Variants in ANKRD11 observed in about 807,000 individuals in gnomAD.
The protein encoded by ANKRD11 is ankyrin repeat domain 11.
Under a neutral mutation model 195.7 loss-of-function variants are expected in ANKRD11, and 17 were observed. The ratio of observed to expected loss-of-function variants is 0.09; its 90% CI spans 0.06 to 0.13. ANKRD11 has a LOEUF of 0.13. ANKRD11 is among the 10% of genes least tolerant of loss of function. The pLI is 1.00. For missense variants in ANKRD11, 3,735 were observed against 3,566.1 expected, an observed-to-expected ratio of 1.05 and a Z score of -1.21; for synonymous variants, 1,953 against 1,528.1, an observed-to-expected ratio of 1.28 and a Z score of -6.49.
chr16:89,387,506 A>C (rs531244116), intron 2 of ANKRD11, among the ~76,000 whole-genome samples: 1 of 151,252 alleles, frequency 6.6e-6, no homozygotes, highest in East Asian at 2.0e-4. Flanking sequence ...CCCCATCTCT[A>C]CTAAAAATAC....
intron 2 of ANKRD11, chr16:89,343,808 C>T (rs942162576): frequency 1.3e-5 from 2 of 152,340 alleles, no homozygotes; most frequent in East Asian, 1.9e-4. Context: ...CAGCGGTCCC[C>T]GCGTCGCCCA....
chr16:89,353,097 A>C (rs973115655), intron 2 of ANKRD11, among the ~76,000 whole-genome samples: 2 of 152,170 alleles, frequency 1.3e-5, no homozygotes, highest in African/African-American at 4.8e-5. Context: ...TAATCCCAGC[A>C]CTTTGGGAGG....
chr16:89,442,885 T>C (rs2043587360), intron 1 of ANKRD11, among the ~76,000 whole-genome samples: 1 of 152,236 alleles, frequency 6.6e-6, no homozygotes, highest in Non-Finnish European at 1.5e-5. Flanking sequence ...GCCCTGACAC[T>C]GTCACTCAAC....
chr16:89,446,803 T>C (rs2043814541), intron 1 of ANKRD11, among the ~76,000 whole-genome samples: 1 of 151,862 alleles, frequency 6.6e-6, no homozygotes, highest in Non-Finnish European at 1.5e-5. Flanking sequence ...AGCCTCCCAC[T>C]CAAACCTCGA....
chr16:89,431,642 T>C (rs1352724626), intron 1 of ANKRD11, among the ~76,000 whole-genome samples: 2 of 152,138 alleles, frequency 1.3e-5, no homozygotes, highest in African/African-American at 4.8e-5. Context: ...ATCTCCTTCC[T>C]CCACCTCCTC....
rs117254779 is a variant in ANKRD11 at position 89,301,835 on chromosome 16, A to G, written c.226+3371T>C. 0.024 allele frequency among the ~76,000 whole-genome samples: 3,676 copies of G among 152,236 alleles called. 273 individuals are homozygous for G. In the East Asian group the frequency reaches 0.26, roughly 11 times the overall value. ...ACCGCAGAGGCCACATCTCCATGGC[A>G]CTGGACCGCGGGCAGGGCCGACTCA... On this transcript the variant is annotated intron_variant, in intron 4 of 12. Coordinates refer to ENST00000301030, the MANE Select transcript of ANKRD11 (RefSeq NM_013275.6).
At chr16:89,288,276 A>G (rs756389985) in intron 7 of ANKRD11, 3 of 659,170 alleles carry the variant, frequency 4.6e-6, no homozygotes, top group Non-Finnish European at 8.2e-6. Flanking sequence ...AACCAGACCT[A>G]CACGGCTAGC....
At chr16:89,398,857 G>C (rs899478547) in intron 2 of ANKRD11, among the ~76,000 whole-genome samples, 1 of 152,150 alleles carries the variant, frequency 6.6e-6, no homozygotes, top group Admixed American at 6.5e-5. Flanking sequence ...TCTGGCCCAG[G>C]AGTACAGATG....
intron 3 of ANKRD11, among the ~76,000 whole-genome samples, chr16:89,316,329 G>A (rs1261190917): frequency 3.3e-5 from 5 of 152,028 alleles, no homozygotes; most frequent in Non-Finnish European, 7.4e-5. Flanking sequence ...AGAACTCGGC[G>A]TCTCCCCTCA....
intron 2 of ANKRD11, among the ~76,000 whole-genome samples, chr16:89,402,056 G>A (rs1484544469): frequency 6.6e-6 from 1 of 151,560 alleles, no homozygotes; most frequent in African/African-American, 2.4e-5. Context: ...GATTTATCAC[G>A]GCAGCCCCGA....
At chr16:89,455,909 T>C (rs1012627418) in intron 1 of ANKRD11, among the ~76,000 whole-genome samples, 1 of 152,160 alleles carries the variant, frequency 6.6e-6, no homozygotes, top group Non-Finnish European at 1.5e-5. Context: ...AATGGAAACC[T>C]GTGCACACAT....
At chr16:89,314,386 C>T (rs982471001) in intron 3 of ANKRD11, among the ~76,000 whole-genome samples, 2 of 152,152 alleles carry the variant, frequency 1.3e-5, no homozygotes, top group Admixed American at 6.5e-5. Context: ...GAGCTCGCAT[C>T]GACATTATCA....
chr16:89,384,874 G>GTTTTTTTTTTTTTTTTTTTTTT (rs1257714722), intron 2 of ANKRD11, among the ~76,000 whole-genome samples: 3 of 72,750 alleles, frequency 4.1e-5, no homozygotes, highest in African/African-American at 1.1e-4. Flanking sequence ...ATGAGAAATA[G>GTTTTTTTTTTTTTTTTTTTTTT]TTTTCTTTTT....
chr16:89,329,203 TCTGTCGGTGG>T (rs2037915634), intron 2 of ANKRD11, among the ~76,000 whole-genome samples: 1 of 152,210 alleles, frequency 6.6e-6, no homozygotes, highest in South Asian at 2.1e-4. Context: ...AGGGCTCATG[TCTGTCGGTGG>T]CTGTCGAGGA....
rs944370093 is a variant in ANKRD11 at position 89,424,425 on chromosome 16, G to C, written c.-144-6057C>G. ...CTCTGCACTCCAGGCTGGGTGACAA[G>C]AGCAAAACTCTGTCTCAAAAAAAAA... On this transcript the variant is annotated intron_variant, in intron 1 of 12. Coordinates refer to ENST00000301030, the MANE Select transcript of ANKRD11 (RefSeq NM_013275.6). Among the ~76,000 whole-genome samples, 13 of 143,176 alleles carry C rather than the reference G, an allele frequency of 9.1e-5. No individual in the cohort carries two copies. The South Asian group carries it at 2.9e-3, about 32-fold the overall frequency. 93.9% of individuals were successfully genotyped at this position (143,176 alleles called of 152,430 possible).
At chr16:89,361,592 C>G (rs1342084337) in intron 2 of ANKRD11, 2 of 152,270 alleles carry the variant, frequency 1.3e-5, no homozygotes, top group Non-Finnish European at 2.9e-5. Flanking sequence ...GCAGGCAGCA[C>G]TGAGGCCCAT....
At chr16:89,305,137 G>A in intron 4 of ANKRD11, 69 bp downstream of exon 4, 1 of 1,583,500 alleles carries the variant, frequency 6.3e-7, no homozygotes, top group East Asian at 2.2e-5. Flanking sequence ...GGGGGCCAGG[G>A]ACGCCCTGCC....
rs1168603405 is a variant in ANKRD11, at chr16:89,316,942, A to C, written c.78T>G (p.Thr26=). ...GAGGGGGCAGCATTACCTTTTTCCC[A>C]GTCTGCTTCTCCACCATGTCGCTGC... ...PLSSDMVEKQ[T]GKKDKDKVSL... The change falls in exon 3 of 13, where the codon ACT becomes ACG. Residue 26 remains threonine (T), a synonymous_variant. Transcript: ENST00000301030. 2 of 1,613,542 alleles carry C rather than the reference A, an allele frequency of 1.2e-6. No individual in the cohort carries two copies. The highest frequency in any genetic ancestry group is 2.2e-5 in the South Asian group (2 of 90,826).
At chr16:89,330,111 G>A (rs1597668882) in intron 2 of ANKRD11, among the ~76,000 whole-genome samples, 1 of 152,052 alleles carries the variant, frequency 6.6e-6, no homozygotes, top group Non-Finnish European at 1.5e-5. Flanking sequence ...AAATATACTT[G>A]AATGACATTA....
Sources: gnomAD v4.1 joint callset for allele counts (sites outside exome capture counted in the v4.1 genomes callset) on GRCh38, gnomAD v4.1.1 for gene constraint, MANE v1.5 for transcripts, NCBI Gene and HGNC (gene_info 2026-07-23, HGNC 2026-07-21) for gene names.